SHANK2: variants seen among roughly 807,000 people sequenced by gnomAD.
SHANK2 encodes SH3 and multiple ankyrin repeat domains 2, also known as SH3 and multiple ankyrin repeat domains protein 2.
Under a neutral mutation model 133.7 loss-of-function variants are expected in SHANK2, and 43 were observed. That is an observed-to-expected ratio of 0.32 (90% CI 0.25 to 0.41). The LOEUF is 0.41. Among genes scored for constraint, SHANK2 ranks in the 10% least tolerant of loss-of-function variants. SHANK2 has a pLI of 1.00. For missense variants in SHANK2, 1,994 were observed against 2,235.8 expected (o/e 0.89, Z 2.18); for synonymous variants, 1,017 against 952.8 (o/e 1.07, Z -1.24).
chr11:70,498,307 G>A (rs1460205144), intron 21 of SHANK2, among the ~76,000 whole-genome samples: 1 of 152,258 alleles, frequency 6.6e-6, no homozygotes, highest in African/African-American at 2.4e-5. Context: ...GCGTGTGTTA[G>A]AAGCAGCGGC....
chr11:71,073,130 T>TTTTTTC (rs1346534905), intron 9 of SHANK2, among the ~76,000 whole-genome samples: 1 of 143,932 alleles, frequency 6.9e-6, no homozygotes, highest in East Asian at 2.0e-4. Context: ...GCTTTTTGTT[T>TTTTTTC]TTTTTCTTTT....
chr11:70,540,854 A>AAC (rs1458474071), intron 17 of SHANK2, among the ~76,000 whole-genome samples: 2 of 151,362 alleles, frequency 1.3e-5, no homozygotes, highest in Non-Finnish European at 2.9e-5. Context: ...AAAAAAAAAA[A>AAC]AAAAAAACTC....
intron 13 of SHANK2, among the ~76,000 whole-genome samples, chr11:70,802,477 TC>T (rs1948067664): frequency 6.6e-6 from 1 of 152,208 alleles, no homozygotes; most frequent in South Asian, 2.1e-4. Flanking sequence ...ACCTGCCAGG[TC>T]ACTGCGGAGG....
intron 2 of SHANK2, among the ~76,000 whole-genome samples, chr11:71,182,260 C>T (rs1446430982): frequency 1.3e-5 from 2 of 152,152 alleles, no homozygotes; most frequent in African/African-American, 4.8e-5. Context: ...TTTCTACACA[C>T]AGAGCAGAAA....
intron 8 of SHANK2, among the ~76,000 whole-genome samples, chr11:71,077,456 C>T (rs1008739695): frequency 6.6e-5 from 10 of 152,300 alleles, no homozygotes; most frequent in African/African-American, 1.2e-4. Context: ...GTGGATGTCT[C>T]GTAGGCGTGT....
intron 14 of SHANK2, among the ~76,000 whole-genome samples, chr11:70,778,988 G>T (rs1216522050): frequency 9.9e-5 from 15 of 152,052 alleles, no homozygotes; most frequent in Admixed American, 9.8e-4. Context: ...AAAGGACAGG[G>T]TTGGTACCCA....
intron 8 of SHANK2, among the ~76,000 whole-genome samples, chr11:71,085,875 ATTTATATAACCTTAATAT>A (rs1951393344): frequency 1.5e-4 from 5 of 32,546 alleles, no homozygotes; most frequent in Admixed American, 6.7e-4. Flanking sequence ...TATATTATAT[ATTTATATAACCTTAATAT>A]ATATATTAAT....
At chr11:70,917,786 T>C (rs993835811) in intron 10 of SHANK2, among the ~76,000 whole-genome samples, 8 of 152,224 alleles carry the variant, frequency 5.3e-5, no homozygotes, top group Admixed American at 3.3e-4. Flanking sequence ...TTCTCATTTA[T>C]CAGTGGGAAC....
At chr11:70,825,880 G>C (rs995263334) in intron 11 of SHANK2, among the ~76,000 whole-genome samples, 30 of 152,108 alleles carry the variant, frequency 2.0e-4, no homozygotes, top group Non-Finnish European at 2.2e-4. Context: ...CTCTAAATAG[G>C]TGGATATTTT....
rs996557721 is a variant in SHANK2 at position 70,528,250 on chromosome 11, C to T, written c.2062-25319G>A. On this transcript the variant is annotated intron_variant, in intron 17 of 25. Coordinates refer to ENST00000601538, the MANE Select transcript of SHANK2 (RefSeq NM_012309.5). ...AGGGTCAGGTTGTCCATGTGTGGGA[C>T]GAACGTGGCTCTCGGGCTGCTGTGG... is the stretch of plus-strand genomic sequence containing the variant. Among the ~76,000 whole-genome samples, 11 of 152,316 alleles carry T rather than the reference C, an allele frequency of 7.2e-5. No homozygotes were observed. The South Asian group carries it at 1.0e-3, about 14-fold the overall frequency.
At chr11:70,546,289 T>C (rs2059695546) in intron 17 of SHANK2, among the ~76,000 whole-genome samples, 2 of 151,908 alleles carry the variant, frequency 1.3e-5, no homozygotes, top group Non-Finnish European at 2.9e-5. Context: ...CATTGGCCAA[T>C]GGCAATTGAG....
rs141577049 is a variant in SHANK2, at chr11:70,723,266, TTAGA to T, written c.1778-24507_1778-24504del. On this transcript the variant is annotated intron_variant, in intron 14 of 25. Coordinates refer to ENST00000601538, the MANE Select transcript of SHANK2 (RefSeq NM_012309.5). Reference sequence around the variant, plus strand: ...ATGATTATAGGATTATACGATTATATTAGATAGTAGCAATTTTCTTGCTGGAGGG... The same window carrying T: ...ATGATTATAGGATTATACGATTATATTAGTAGCAATTTTCTTGCTGGAGGG... 8.1e-3 allele frequency among the ~76,000 whole-genome samples: 1,224 copies of T among 151,978 alleles called. 14 individuals carry two copies. Among genetic ancestry groups the T allele is most frequent in the African/African-American group, 0.028 (1,168 of 41,376 alleles).
Position 70,804,359 on chromosome 11 carries a change from C to G in SHANK2, c.1663+2643G>C, listed in dbSNP as rs1344201052. ...TCGGCAGGAAGGAAGAGCGGTGCCA[C>G]TGGCAGCAGGAAGGGGCTCCGTGCC... On this transcript the variant is annotated intron_variant, in intron 13 of 25. Coordinates refer to ENST00000601538, the MANE Select transcript of SHANK2 (RefSeq NM_012309.5). This position sits in a 1 kb window ranked among gnomAD's most constrained non-coding sequence, Gnocchi z 4.1. 6.6e-6 allele frequency among the ~76,000 whole-genome samples: 1 copy of G among 152,224 alleles called. No individual in the cohort carries two copies. The highest frequency in any genetic ancestry group is 2.4e-5 in the African/African-American group (1 of 41,462).
intron 17 of SHANK2, among the ~76,000 whole-genome samples, chr11:70,573,512 C>T (rs2060075406): frequency 8.2e-6 from 1 of 121,618 alleles, no homozygotes; most frequent in African/African-American, 3.3e-5. Flanking sequence ...ACCGATACCA[C>T]AGGAGAGGTT....
At position 70,954,246 on chromosome 11, in the gene SHANK2, G is replaced by A. The variant is rs1169370128; in HGVS notation, c.1108-57679C>T. On this transcript the variant is annotated intron_variant, in intron 10 of 25. Transcript: ENST00000601538. ...CTCAGAAAGCCACCTGGAGGGAAGAGAAGGGTCCGCTGAGCAGATTTCGTG... is the reference window on the plus strand; with the variant it reads ...CTCAGAAAGCCACCTGGAGGGAAGAAAAGGGTCCGCTGAGCAGATTTCGTG... Among the ~76,000 whole-genome samples, 5 of 152,358 alleles carry A rather than the reference G, an allele frequency of 3.3e-5. No homozygotes were observed. The East Asian group carries it at 9.6e-4, about 29-fold the overall frequency.
chr11:70,705,501 A>T (rs1555024688), intron 14 of SHANK2: 1 of 152,104 alleles, frequency 6.6e-6, no homozygotes, highest in African/African-American at 2.4e-5. Context: ...AAAGGAAAAA[A>T]CCACCTACTA....
At chr11:71,174,851 C>T (rs1247180756) in intron 2 of SHANK2, 1 of 152,014 alleles carries the variant, frequency 6.6e-6, no homozygotes, top group Non-Finnish European at 1.5e-5. Context: ...GATCCTGTCT[C>T]AAAAGAAAAA....
chr11:70,875,310 G>T (rs1188290614), intron 11 of SHANK2, among the ~76,000 whole-genome samples: 5 of 152,024 alleles, frequency 3.3e-5, no homozygotes, highest in Non-Finnish European at 7.3e-5. Context: ...TTCGGAACAT[G>T]ATGATAAAGC....
In SHANK2 at chr11:70,745,791, C is replaced by T. The variant is rs376500779; in HGVS notation, c.1778-47028G>A. On this transcript the variant is annotated intron_variant, in intron 14 of 25. Transcript: ENST00000601538. The stretch of plus-strand genomic sequence containing the variant: ...ACCCGCCGCCTTGGAAGTTGCAGAG[C>T]CTTGGTGGGAAACGCATTGCTGAGG... Among the ~76,000 whole-genome samples the T allele has an allele frequency of 3.3e-5, 5 of 152,322 alleles. No individual in the cohort carries two copies. In the East Asian group the frequency reaches 5.8e-4, roughly 18 times the overall value.
Sources: allele counts gnomAD v4.1 joint callset (sites outside exome capture counted in the v4.1 genomes callset), GRCh38; gene constraint gnomAD v4.1.1; non-coding constraint Gnocchi (gnomAD v3.1); transcripts MANE v1.5; gene names NCBI Gene and HGNC (gene_info 2026-07-23, HGNC 2026-07-21).